THSD4: variants seen among roughly 807,000 people sequenced by gnomAD.
The protein encoded by THSD4 is thrombospondin type 1 domain containing 4.
Under a neutral mutation model 119.0 loss-of-function variants are expected in THSD4, and 69 were observed. That is an observed-to-expected ratio of 0.58 (90% confidence interval 0.48 to 0.71). The LOEUF (loss-of-function observed/expected upper bound fraction) is 0.71. THSD4 is among the 30% of genes least tolerant of loss of function. The pLI is 0.00. For synonymous variants in THSD4, 524 were observed against 540.4 expected (o/e 0.97, Z 0.42); for missense variants, 1,393 against 1,391.1 (o/e 1.00, Z -0.02).
At position 71,602,573 on chromosome 15, in the gene THSD4, AAAAAAAAT is replaced by A. The variant is rs1251051271; in HGVS notation, c.1153-57956_1153-57949del. On this transcript the variant is annotated intron_variant, in intron 7 of 17. Coordinates refer to ENST00000261862, the MANE Select transcript of THSD4 (RefSeq NM_024817.3). ...TGTCTCAAAAAAAAAAAAAAAAAAA[AAAAAAAAT>A]GAAAAAGAAAAACAGTCTCTATCCC... 2.6e-4 allele frequency among the ~76,000 whole-genome samples: 39 copies of A among 150,112 alleles called. 1 individual carries two copies. Among genetic ancestry groups the A allele is most frequent in the African/African-American group, 3.9e-4 (16 of 40,950 alleles).
intron 7 of THSD4, among the ~76,000 whole-genome samples, chr15:71,624,454 G>C (rs1595799165): frequency 2.0e-5 from 3 of 152,306 alleles, no homozygotes; most frequent in African/African-American, 7.2e-5. Flanking sequence ...AGTAGTTTTT[G>C]GTGGGGAGGA....
intron 7 of THSD4, among the ~76,000 whole-genome samples, chr15:71,546,365 A>G (rs1212666736): frequency 6.6e-6 from 1 of 152,114 alleles, no homozygotes. Flanking sequence ...ATTTTAAACC[A>G]TGGTCTCTGC....
intron 6 of THSD4, among the ~76,000 whole-genome samples, chr15:71,321,698 A>G (rs527828522): frequency 6.6e-6 from 1 of 152,214 alleles, no homozygotes; most frequent in Non-Finnish European, 1.5e-5. Flanking sequence ...GCAGTTATGA[A>G]TGTGAGAGTG....
intron 7 of THSD4, among the ~76,000 whole-genome samples, chr15:71,451,545 A>G (rs978310113): frequency 2.2e-4 from 33 of 152,246 alleles, no homozygotes; most frequent in African/African-American, 7.9e-4. Flanking sequence ...AAAGTGGCAT[A>G]TTTTGGGGTG....
chr15:71,660,843 G>A, intron 8 of THSD4, 109 bp downstream of exon 8: 6 of 1,237,596 alleles, frequency 4.8e-6, no homozygotes, highest in Non-Finnish European at 6.8e-6. Context: ...GGGCATGCAG[G>A]CAGTGCCCCT....
rs546001292 is a variant in THSD4, at chr15:71,266,704, A to G, written c.1015+9989A>G. ...GTTCTAACCCAATGGAAGGAAGCCA[A>G]GAACCTTGAAAAAAGGTTAGAGGAA... On this transcript the variant is annotated intron_variant, in intron 6 of 17. Coordinates refer to ENST00000261862, the MANE Select transcript of THSD4 (RefSeq NM_024817.3). Among the ~76,000 whole-genome samples, 6 of 152,200 alleles carry G rather than the reference A, an allele frequency of 3.9e-5. No homozygotes were observed. In the East Asian group the frequency reaches 9.7e-4, roughly 25 times the overall value.
At chr15:71,204,840 A>G (rs538499140) in intron 3 of THSD4, among the ~76,000 whole-genome samples, 2 of 152,264 alleles carry the variant, frequency 1.3e-5, no homozygotes, top group African/African-American at 4.8e-5. Context: ...CTTGTCTCGT[A>G]TGAGAAATTC....
At chr15:71,718,091 G>C (rs1384150795) in intron 8 of THSD4, among the ~76,000 whole-genome samples, 1 of 150,628 alleles carries the variant, frequency 6.6e-6, no homozygotes, top group Non-Finnish European at 1.5e-5. Context: ...TGAGGCTACA[G>C]TGAGCCATGA....
intron 7 of THSD4, among the ~76,000 whole-genome samples, chr15:71,524,184 G>T (rs918663670): frequency 6.6e-6 from 1 of 152,208 alleles, no homozygotes; most frequent in African/African-American, 2.4e-5. Context: ...ACTGGAATCG[G>T]ACAGTCTGAT....
chr15:71,232,558 G>A (rs574406486), intron 4 of THSD4, among the ~76,000 whole-genome samples: 14 of 152,132 alleles, frequency 9.2e-5, no homozygotes, highest in African/African-American at 3.1e-4. Context: ...TTTATGTTGG[G>A]CTGGAAGTAC....
At chr15:71,130,434 C>T (rs1333225554) in intron 1 of THSD4, among the ~76,000 whole-genome samples, 3 of 152,144 alleles carry the variant, frequency 2.0e-5, no homozygotes, top group Non-Finnish European at 4.4e-5. Flanking sequence ...TAATTCTCAA[C>T]CTTGGCCTCC....
rs1482652753 is a variant in THSD4 at position 71,299,972 on chromosome 15, AAAAAAT to A, written c.1015+43259_1015+43264del. Among the ~76,000 whole-genome samples the A allele has an allele frequency of 7.1e-3, 193 of 27,260 alleles. 1 individual carries two copies. In the Middle Eastern group the frequency reaches 0.071, roughly 10 times the overall value. 17.9% of individuals were successfully genotyped at this position (27,260 alleles called of 152,430 possible). A position where few individuals can be genotyped will look rare whatever the true frequency, so the allele number is the denominator to read the frequency against. On this transcript the variant is annotated intron_variant, in intron 6 of 17. Transcript: ENST00000261862. ...ACCCTGTCTCTACCAAAAAAAAAAAAAAAAATATATATATATATATATATATATATT... is the reference window on the plus strand; with the variant it reads ...ACCCTGTCTCTACCAAAAAAAAAAAAATATATATATATATATATATATATT...
chr15:71,715,997 A>C (rs73430264), intron 8 of THSD4, among the ~76,000 whole-genome samples: 27,347 of 152,132 alleles, frequency 0.18, 2,602 homozygotes, highest in Middle Eastern at 0.22. Flanking sequence ...TTAAAACAAC[A>C]GAAATTCATT....
intron 8 of THSD4, among the ~76,000 whole-genome samples, chr15:71,712,076 A>G (rs1174410764): frequency 1.3e-5 from 2 of 152,206 alleles, no homozygotes; most frequent in Non-Finnish European, 2.9e-5. Context: ...TCAAGTGTAC[A>G]TGGAACAGTC....
chr15:71,609,095 T>G (rs1209074086), intron 7 of THSD4, among the ~76,000 whole-genome samples: 1 of 152,186 alleles, frequency 6.6e-6, no homozygotes, highest in African/African-American at 2.4e-5. Context: ...GAACATTAAC[T>G]ACCAGCTGAC....
chr15:71,237,099 A>G (rs1387629629), intron 4 of THSD4, among the ~76,000 whole-genome samples: 1 of 152,158 alleles, frequency 6.6e-6, no homozygotes, highest in African/African-American at 2.4e-5. Flanking sequence ...CTGACAAGAG[A>G]TGCAGCAGGA....
chr15:71,638,229 A>T (rs2050788094), intron 7 of THSD4, among the ~76,000 whole-genome samples: 1 of 152,228 alleles, frequency 6.6e-6, no homozygotes, highest in Non-Finnish European at 1.5e-5. Flanking sequence ...GTAGTATAAC[A>T]TTGAGCTGAT....
intron 6 of THSD4, among the ~76,000 whole-genome samples, chr15:71,355,174 A>C (rs749927803): frequency 2.6e-5 from 4 of 152,222 alleles, no homozygotes; most frequent in Non-Finnish European, 4.4e-5. Flanking sequence ...TGTGTACTGC[A>C]GATCAAATCA....
chr15:71,524,243 C>A (rs1415152056), intron 7 of THSD4, among the ~76,000 whole-genome samples: 1 of 152,232 alleles, frequency 6.6e-6, no homozygotes, highest in Non-Finnish European at 1.5e-5. Context: ...AAGATAGCCA[C>A]AGGGACTGAC....
Sources: gnomAD v4.1 joint callset for allele counts (sites outside exome capture counted in the v4.1 genomes callset) on GRCh38, gnomAD v4.1.1 for gene constraint, MANE v1.5 for transcripts, NCBI Gene and HGNC (gene_info 2026-07-23, HGNC 2026-07-21) for gene names.